ZFYVE28: variants seen among roughly 807,000 people sequenced by gnomAD.
ZFYVE28 encodes the protein lateral signaling target protein 2 homolog.
A neutral mutation model predicts 82.1 loss-of-function variants in ZFYVE28; 40 were observed. The ratio of observed to expected loss-of-function variants is 0.49; its 90% confidence interval spans 0.38 to 0.63. The LOEUF is 0.63. Ranked by LOEUF, ZFYVE28 falls within the 30% of genes least tolerant of loss-of-function variation. The pLI, the probability that ZFYVE28 is intolerant of heterozygous loss-of-function variation, is 0.00. For synonymous variants in ZFYVE28, 612 were observed against 546.1 expected (o/e 1.12, Z -1.68); for missense variants, 1,321 against 1,242.1 (o/e 1.06, Z -0.96).
In ZFYVE28 at chr4:2,271,662, G is replaced by A; in HGVS notation, c.2428+13C>T. On this transcript the variant is annotated intron_variant, in intron 11 of 12. Coordinates refer to ENST00000290974, the MANE Select transcript of ZFYVE28 (RefSeq NM_020972.3). Reference sequence around the variant, plus strand: ...GTCTAGTGCAGTGTCCTGACCCAGAGCCTCCCACACACCTTCAAAGTCCCC... The same window carrying A: ...GTCTAGTGCAGTGTCCTGACCCAGAACCTCCCACACACCTTCAAAGTCCCC... 8 of 1,612,578 alleles carry A rather than the reference G, an allele frequency of 5.0e-6. No homozygotes were observed. Among genetic ancestry groups the A allele is most frequent in the Non-Finnish European group, 6.8e-6 (8 of 1,178,912 alleles).
intron 1 of ZFYVE28, among the ~76,000 whole-genome samples, chr4:2,398,239 G>T (rs1203882820): frequency 6.6e-6 from 1 of 152,224 alleles, no homozygotes; most frequent in Admixed American, 6.5e-5. Flanking sequence ...AGGGTGCAGG[G>T]CACCGACACG....
intron 1 of ZFYVE28, among the ~76,000 whole-genome samples, chr4:2,367,132 G>T (rs1378450907): frequency 6.6e-6 from 1 of 152,264 alleles, no homozygotes; most frequent in Non-Finnish European, 1.5e-5. Context: ...TGCCGAGGAG[G>T]AGAATGGGTG....
At position 2,270,814 on chromosome 4, in the gene ZFYVE28, G is replaced by T. The variant is rs750512740; in HGVS notation, c.2575C>A (p.Arg859Ser). 25 of 1,612,934 alleles carry T rather than the reference G, an allele frequency of 1.5e-5. No individual in the cohort carries two copies. The highest frequency in any genetic ancestry group is 2.1e-5 in the Non-Finnish European group (25 of 1,179,932). Residue 859 changes from arginine (R) to serine (S), a missense_variant, in exon 13 of 13, where the codon CGC (arginine) becomes AGC (serine). Around this residue, in one of 2 missense-constraint regions of ZFYVE28, gnomAD observed 978 missense variants for 833.7 expected, o/e 1.17. Transcript: ENST00000290974. ...CGGACCGGCTTCACCTGCCCGTAGCGGGGCAGCGGTGCTGAGTGCGAGGAG... is the reference window on the plus strand; with the variant it reads ...CGGACCGGCTTCACCTGCCCGTAGCTGGGCAGCGGTGCTGAGTGCGAGGAG... ...RCSSHSAPLP[R>S]YGQVKPVRVC...
At chr4:2,291,449 G>A (rs1342039924) in intron 8 of ZFYVE28, among the ~76,000 whole-genome samples, 3 of 152,184 alleles carry the variant, frequency 2.0e-5, no homozygotes, top group Non-Finnish European at 4.4e-5. Flanking sequence ...CCGAGGAGGG[G>A]CCAATGCTTA....
chr4:2,326,178 T>C (rs901800226), intron 6 of ZFYVE28, among the ~76,000 whole-genome samples: 2 of 152,264 alleles, frequency 1.3e-5, no homozygotes, highest in Admixed American at 1.3e-4. Context: ...TCTAGTAGTT[T>C]TAGAGTTTCT....
chr4:2,406,954 T>A (rs1348746644), intron 1 of ZFYVE28, among the ~76,000 whole-genome samples: 1 of 152,146 alleles, frequency 6.6e-6, no homozygotes, highest in Non-Finnish European at 1.5e-5. Context: ...GCTCATGGTC[T>A]CAAATCCAGC....
intron 8 of ZFYVE28, among the ~76,000 whole-genome samples, chr4:2,283,843 A>G (rs939244332): frequency 6.6e-6 from 1 of 152,212 alleles, no homozygotes; most frequent in Non-Finnish European, 1.5e-5. Context: ...AAGGCGCAGC[A>G]TGAGGACAGC....
rs1026652704 is a variant in ZFYVE28 at position 2,418,497 on chromosome 4, G to C, written c.-174C>G. The C allele has an allele frequency of 1.7e-5, 5 of 290,564 alleles. No homozygotes were observed. Among genetic ancestry groups the C allele is most frequent in the African/African-American group, 9.2e-5 (4 of 43,576 alleles). The allele number at this position is 290,564 out of a possible 1,614,324, so 18.0% of individuals were successfully genotyped here. A position where few individuals can be genotyped will look rare whatever the true frequency, so the allele number is the denominator to read the frequency against. On this transcript the variant is annotated 5_prime_UTR_variant, in exon 1 of 13. Coordinates refer to ENST00000290974, the MANE Select transcript of ZFYVE28 (RefSeq NM_020972.3). This position sits in a 1 kb window ranked among gnomAD's most constrained non-coding sequence, Gnocchi z 4.6. ...GAGCGGGCGGCGGGCAGGTGCGCGG[G>C]GCAGGTGCGCGGCCCTGAGTATGCT...
chr4:2,295,462 T>C (rs892532088), intron 8 of ZFYVE28: 1 of 152,252 alleles, frequency 6.6e-6, no homozygotes, highest in African/African-American at 2.4e-5. Flanking sequence ...TGAGCCACCA[T>C]GCCCAGCATT....
intron 11 of ZFYVE28, 98 bp downstream of exon 11, chr4:2,271,577 G>T: frequency 6.9e-7 from 1 of 1,453,302 alleles, no homozygotes; most frequent in South Asian, 1.2e-5. Flanking sequence ...CCCGGACAGG[G>T]TGGCCTGCAG....
chr4:2,283,535 C>T (rs1359838485), intron 8 of ZFYVE28, among the ~76,000 whole-genome samples: 2 of 151,096 alleles, frequency 1.3e-5, no homozygotes, highest in Admixed American at 6.6e-5. Flanking sequence ...ATCATCAGTC[C>T]ATCCATCCAT....
intron 8 of ZFYVE28, among the ~76,000 whole-genome samples, chr4:2,282,262 C>T (rs1014792867): frequency 6.6e-6 from 1 of 152,228 alleles, no homozygotes; most frequent in African/African-American, 2.4e-5. Flanking sequence ...AGCCCCACTT[C>T]GGTTTGAACT....
chr4:2,373,183 AC>A (rs1409614244), intron 1 of ZFYVE28, among the ~76,000 whole-genome samples: 1 of 152,270 alleles, frequency 6.6e-6, no homozygotes, highest in Non-Finnish European at 1.5e-5. Flanking sequence ...ATACAAAATG[AC>A]TTTTAAATAA....
At chr4:2,376,356 G>A (rs1186423374) in intron 1 of ZFYVE28, among the ~76,000 whole-genome samples, 2 of 107,054 alleles carry the variant, frequency 1.9e-5, no homozygotes, top group African/African-American at 3.7e-5. Flanking sequence ...GGGCAACATA[G>A]TGAGACCCTA....
intron 8 of ZFYVE28, among the ~76,000 whole-genome samples, chr4:2,292,614 TA>T (rs1713902910): frequency 1.3e-5 from 2 of 152,172 alleles, no homozygotes; most frequent in Admixed American, 1.3e-4. Context: ...ATTCACGGAA[TA>T]AGATGATAAT....
chr4:2,299,004 C>T (rs1243264499), intron 8 of ZFYVE28, among the ~76,000 whole-genome samples: 1 of 152,220 alleles, frequency 6.6e-6, no homozygotes, highest in Non-Finnish European at 1.5e-5. Context: ...ACCAGAAAGG[C>T]AGAGGAACAG....
intron 1 of ZFYVE28, among the ~76,000 whole-genome samples, chr4:2,412,851 A>G (rs1732660644): frequency 6.6e-6 from 1 of 152,186 alleles, no homozygotes; most frequent in African/African-American, 2.4e-5. Context: ...CTTAAGGTCG[A>G]ACAAAATGAC....
At chr4:2,301,695 C>T (rs1358044568) in intron 8 of ZFYVE28, among the ~76,000 whole-genome samples, 1 of 152,058 alleles carries the variant, frequency 6.6e-6, no homozygotes, top group Admixed American at 6.6e-5. Context: ...GATGTGCAGG[C>T]CCCAAACCAA....
intron 11 of ZFYVE28, 57 bp from the exon 12 acceptor site, chr4:2,271,471 G>A (rs569592232): frequency 3.2e-5 from 51 of 1,572,158 alleles, no homozygotes; most frequent in South Asian, 2.9e-4. Flanking sequence ...GGGCTGGGCC[G>A]GGACCCTCAA....
Sources: gnomAD v4.1 joint callset for allele counts (sites outside exome capture counted in the v4.1 genomes callset) on GRCh38, gnomAD v4.1.1 for gene constraint, gnomAD v4.1.1 regional missense constraint, Gnocchi (gnomAD v3.1) non-coding constraint, MANE v1.5 for transcripts, NCBI Gene and HGNC (gene_info 2026-07-23, HGNC 2026-07-21) for gene names.